Variants in NUCB2 observed in about 807,000 individuals in gnomAD.
The protein encoded by NUCB2 is nucleobindin-2.
In NUCB2, 48 loss-of-function variants were observed where a neutral mutation model predicts 57.9. The ratio of observed to expected loss-of-function variants is 0.83; its 90% CI spans 0.66 to 1.05. The LOEUF is 1.05. Among genes scored for constraint, NUCB2 ranks in the 50% least tolerant of loss-of-function variants. The pLI is 0.00. For synonymous variants in NUCB2, 139 were observed against 152.1 expected (o/e 0.91, Z 0.64); for missense variants, 442 against 476.2 (o/e 0.93, Z 0.67).
Position 17,331,796 on chromosome 11 carries a change from TA to T in NUCB2, c.*380del, listed in dbSNP as rs1951437133. On this transcript the variant is annotated 3_prime_UTR_variant, in exon 14 of 14. Coordinates refer to ENST00000529010, the MANE Select transcript of NUCB2 (RefSeq NM_005013.4). The stretch of plus-strand genomic sequence containing the variant: ...AAATTAGATTGCTCTCACTTACTCG[TA>T]AACATAGGTATTCTTTTATGGGTGC... 1 of 174,026 alleles carries T rather than the reference TA, an allele frequency of 5.7e-6. No homozygotes were observed. The highest frequency in any genetic ancestry group is 2.4e-5 in the African/African-American group (1 of 42,480). The allele number at this position is 174,026 out of a possible 1,614,324, so 10.8% of individuals were successfully genotyped here.
At chr11:17,317,025 G>C (rs547147134) in intron 11 of NUCB2, among the ~76,000 whole-genome samples, 8 of 152,270 alleles carry the variant, frequency 5.3e-5, no homozygotes, top group Non-Finnish European at 8.8e-5. Context: ...CTTTGGTGAA[G>C]AAGAAGAATG....
rs757340066 is a variant in NUCB2, at chr11:17,330,108, C to G, written c.1003-19C>G. ...GTTGTAGTTTTGAGATTATTCTTTC[C>G]TCATTTTTTTTCTTTTAGACATTAG... is the stretch of plus-strand genomic sequence containing the variant. On this transcript the variant is annotated intron_variant, in intron 11 of 13. Coordinates refer to ENST00000529010, the MANE Select transcript of NUCB2 (RefSeq NM_005013.4). The surrounding 1 kb of genome is among the most constrained non-coding windows in gnomAD (Gnocchi z 4.3). 7.6e-7 allele frequency: 1 copy of G among 1,319,758 alleles called. No individual in the cohort carries two copies. The highest frequency in any genetic ancestry group is 1.4e-5 in the South Asian group (1 of 70,280). 81.8% of individuals were successfully genotyped at this position (1,319,758 alleles called of 1,614,324 possible).
intron 4 of NUCB2, among the ~76,000 whole-genome samples, chr11:17,297,352 A>G (rs1027497511): frequency 6.6e-6 from 1 of 152,148 alleles, no homozygotes; most frequent in African/African-American, 2.4e-5. Context: ...TCTTTGAAAG[A>G]CTGACTCCCG....
At position 17,315,575 on chromosome 11, in the gene NUCB2, T is replaced by C. The variant is rs1565441766; in HGVS notation, c.1002+100T>C. On this transcript the variant is annotated intron_variant, in intron 11 of 13. Transcript: ENST00000529010. ...TTCCCCATTATGTTTGCATGTATAGTCTTACTATCTTGGGATTTTTATATA... is the reference window on the plus strand; with the variant it reads ...TTCCCCATTATGTTTGCATGTATAGCCTTACTATCTTGGGATTTTTATATA... 6 of 548,414 alleles carry C rather than the reference T, an allele frequency of 1.1e-5. No individual in the cohort carries two copies. In the East Asian group the frequency reaches 1.8e-4, roughly 16 times the overall value. 34.0% of individuals were successfully genotyped at this position (548,414 alleles called of 1,614,324 possible). A position where few individuals can be genotyped will look rare whatever the true frequency, so the allele number is the denominator to read the frequency against.
At chr11:17,327,573 G>A (rs545714084) in intron 11 of NUCB2, among the ~76,000 whole-genome samples, 1 of 152,078 alleles carries the variant, frequency 6.6e-6, no homozygotes, top group South Asian at 2.1e-4. Flanking sequence ...TTGCCGTTTT[G>A]AGGCTGTTTT....
At chr11:17,345,780 T>C (rs1006250121) in intron 2 of NUCB2, among the ~76,000 whole-genome samples, 21 of 152,326 alleles carry the variant, frequency 1.4e-4, no homozygotes, top group African/African-American at 5.1e-4. Flanking sequence ...AAAGTTCTAC[T>C]AGCTTGAAGA....
chr11:17,313,414 C>T (rs946540059), intron 10 of NUCB2, among the ~76,000 whole-genome samples: 1 of 151,988 alleles, frequency 6.6e-6, no homozygotes, highest in Admixed American at 6.6e-5. Context: ...CCTACAATCC[C>T]AGCTACTCGG....
At position 17,296,081 on chromosome 11, in the gene NUCB2, A is replaced by G. The variant is rs1945773743; in HGVS notation, c.145-23A>G. ...ACAAGGAAAAACCTGCAGAAGCATT[A>G]CTGTTGGTTTCTTAATTTGAAGGAT... On this transcript the variant is annotated intron_variant, in intron 3 of 13. Transcript: ENST00000529010. 5 of 1,403,076 alleles carry G rather than the reference A, an allele frequency of 3.6e-6. No individual in the cohort carries two copies. In the African/African-American group the frequency reaches 5.7e-5, roughly 16 times the overall value. 86.9% of individuals were successfully genotyped at this position (1,403,076 alleles called of 1,614,324 possible).
intron 11 of NUCB2, among the ~76,000 whole-genome samples, chr11:17,325,400 A>G (rs969720455): frequency 1.4e-4 from 22 of 152,070 alleles, no homozygotes; most frequent in East Asian, 3.8e-4. Flanking sequence ...CAGTCATTCT[A>G]TCTTCTTGCT....
chr11:17,334,882 T>C (rs896039764), downstream of NUCB2, among the ~76,000 whole-genome samples: 4 of 126,344 alleles, frequency 3.2e-5, no homozygotes, highest in Non-Finnish European at 6.7e-5. Flanking sequence ...CAAGGCTCTA[T>C]CTCAAAAAAA....
At chr11:17,295,640 T>A (rs1452724531) in intron 3 of NUCB2, 173 bp downstream of exon 3, 1 of 594,748 alleles carries the variant, frequency 1.7e-6, no homozygotes, top group African/African-American at 1.9e-5. Flanking sequence ...GAACTATTTC[T>A]GAAATAGCAG....
chr11:17,281,310 G>C (rs1159161734), intron 1 of NUCB2, among the ~76,000 whole-genome samples: 3 of 151,578 alleles, frequency 2.0e-5, no homozygotes, highest in Non-Finnish European at 2.9e-5. Context: ...TGTAGAGGTG[G>C]GGTTTCACCA....
In NUCB2 at chr11:17,340,592, T is replaced by C. The variant is rs1050102246; in HGVS notation, n.2626+3058T>C. On this transcript the variant is annotated intron_variant and non_coding_transcript_variant, in intron 2 of 2. Coordinates refer to the NUCB2 transcript ENST00000532240. Reference sequence around the variant, plus strand: ...TGGCTAGCCAGTTTTCCCAGCACCATTTATTAAATAGGGAATCCTTTCCCC... The same window carrying C: ...TGGCTAGCCAGTTTTCCCAGCACCACTTATTAAATAGGGAATCCTTTCCCC... Among the ~76,000 whole-genome samples, 704 of 152,296 alleles carry C rather than the reference T, an allele frequency of 4.6e-3. 2 individuals are homozygous for C. The highest frequency in any genetic ancestry group is 8.4e-3 in the Non-Finnish European group (572 of 68,016).
chr11:17,315,312 C>T, intron 10 of NUCB2, 74 bp from the exon 11 acceptor site: 1 of 737,938 alleles, frequency 1.4e-6, no homozygotes, highest in South Asian at 2.5e-5. Flanking sequence ...GCATCTATTA[C>T]AAGACAGTTG....
intron 10 of NUCB2, 42 bp downstream of exon 10, chr11:17,312,162 T>C: frequency 1.0e-6 from 1 of 956,278 alleles, no homozygotes; most frequent in South Asian, 1.6e-5. Flanking sequence ...TTTCTATGTA[T>C]TATTTAATTC....
intron 6 of NUCB2, among the ~76,000 whole-genome samples, chr11:17,310,354 T>C (rs149675331): frequency 4.6e-5 from 7 of 152,274 alleles, no homozygotes; most frequent in African/African-American, 1.7e-4. Context: ...ATGACTAAAA[T>C]TGCTGGGCAT....
intron 11 of NUCB2, among the ~76,000 whole-genome samples, chr11:17,319,737 T>C (rs1949766680): frequency 6.6e-6 from 1 of 152,166 alleles, no homozygotes; most frequent in African/African-American, 2.4e-5. Flanking sequence ...CATTTTAATT[T>C]TTTGAAGTTC....
At chr11:17,339,559 A>G (rs1952081708) in intron 2 of NUCB2, among the ~76,000 whole-genome samples, 1 of 123,796 alleles carries the variant, frequency 8.1e-6, no homozygotes, top group Non-Finnish European at 1.6e-5. Flanking sequence ...GTGTCCATGT[A>G]TTCTCATTGT....
intron 2 of NUCB2, among the ~76,000 whole-genome samples, chr11:17,285,448 G>A (rs1943519735): frequency 6.6e-6 from 1 of 152,024 alleles, no homozygotes; most frequent in Admixed American, 6.6e-5. Context: ...ATGGTGGCAT[G>A]CGCCTGTAGT....
Sources: gnomAD v4.1 joint callset for allele counts (sites outside exome capture counted in the v4.1 genomes callset) on GRCh38, gnomAD v4.1.1 for gene constraint, Gnocchi (gnomAD v3.1) non-coding constraint, MANE v1.5 for transcripts, NCBI Gene and HGNC (gene_info 2026-07-23, HGNC 2026-07-21) for gene names.